TENM4: variants seen among roughly 807,000 people sequenced by gnomAD.
TENM4 encodes teneurin transmembrane protein 4, also known as teneurin-4.
Under a neutral mutation model 243.3 loss-of-function variants are expected in TENM4, and 82 were observed. The observed-to-expected ratio is 0.34, with a 90% CI of 0.28 to 0.40. The LOEUF (loss-of-function observed/expected upper bound fraction) is 0.40, where lower values mean the gene tolerates loss of function less well. Ranked by LOEUF, TENM4 falls within the 10% of genes least tolerant of loss-of-function variation. The probability of loss-of-function intolerance (pLI) is 1.00; values close to 1 mark genes in which losing one functional copy is unlikely to be tolerated. For synonymous variants in TENM4, 1,412 were observed against 1,456.3 expected (o/e 0.97, Z 0.69); for missense variants, 3,138 against 3,673.3 (o/e 0.85, Z 3.77).
chr11:78,726,136 C>T lies in TENM4; in HGVS notation c.3493G>A (p.Ala1165Thr), dbSNP rs550968777. The T allele has an allele frequency of 5.6e-5, 90 of 1,613,990 alleles. No individual in the cohort carries two copies. The highest frequency in any genetic ancestry group is 6.7e-5 in the East Asian group (3 of 44,882). Residue 1165 changes from alanine to threonine, a missense_variant, in exon 23 of 34, where the codon GCG (alanine) becomes ACG (threonine). By Grantham distance (58) the Ala-to-Thr change is moderately conservative (BLOSUM62 0). This residue lies in a region of TENM4 where 2,467 missense variants were observed against 3,059.1 expected (regional missense o/e 0.81). Transcript: ENST00000278550. ...AGGCTCCATCCTCCAAGCTTGGACG[C>T]GTCAATTTCATAGCCCTGCAGCACT... ...TTVLQGYEID[A>T]SKLGGWSLDK...
At chr11:78,784,310 T>C (rs2088826394) in intron 16 of TENM4, among the ~76,000 whole-genome samples, 1 of 152,220 alleles carries the variant, frequency 6.6e-6, no homozygotes, top group African/African-American at 2.4e-5. Flanking sequence ...CCCCTTCTCA[T>C]TTCTATTTCA....
chr11:79,347,567 T>TTGGTC (rs1857345347), intron 1 of TENM4, among the ~76,000 whole-genome samples: 1 of 152,100 alleles, frequency 6.6e-6, no homozygotes. Context: ...ACTTTGGTAT[T>TTGGTC]ACACTGTTTG....
chr11:79,202,308 C>G (rs1192393896), intron 3 of TENM4, among the ~76,000 whole-genome samples: 1 of 152,212 alleles, frequency 6.6e-6, no homozygotes. Flanking sequence ...CTTCCACATG[C>G]AGCTGTGCCT....
At chr11:79,193,958 C>T (rs898282304) in intron 3 of TENM4, among the ~76,000 whole-genome samples, 1 of 152,054 alleles carries the variant, frequency 6.6e-6, no homozygotes, top group African/African-American at 2.4e-5. Context: ...GCTGTGTCTC[C>T]ACCCAAATCT....
chr11:78,874,491 C>T (rs1282920057), intron 9 of TENM4, among the ~76,000 whole-genome samples: 2 of 152,034 alleles, frequency 1.3e-5, no homozygotes, highest in Non-Finnish European at 2.9e-5. Context: ...AGTTTCAGAC[C>T]TCAACAATTA....
At chr11:79,407,353 A>C (rs1858594974) in intron 1 of TENM4, among the ~76,000 whole-genome samples, 1 of 152,248 alleles carries the variant, frequency 6.6e-6, no homozygotes, top group Admixed American at 6.5e-5. Flanking sequence ...AACTGTTACT[A>C]ATAATAGCTA....
intron 2 of TENM4, among the ~76,000 whole-genome samples, chr11:79,277,456 C>G (rs574735483): frequency 6.6e-6 from 1 of 152,286 alleles, no homozygotes; most frequent in East Asian, 1.9e-4. Context: ...GTGAAAGTAA[C>G]TTGCCCCCTG....
At chr11:79,227,819 C>G (rs1864300989) in intron 2 of TENM4, among the ~76,000 whole-genome samples, 1 of 152,170 alleles carries the variant, frequency 6.6e-6, no homozygotes, top group Admixed American at 6.5e-5. Context: ...TGCAGGAAAG[C>G]TGGAGTCTAA....
chr11:79,386,339 T>G (rs1213645890), intron 1 of TENM4, among the ~76,000 whole-genome samples: 2 of 152,218 alleles, frequency 1.3e-5, no homozygotes, highest in Non-Finnish European at 2.9e-5. Context: ...AATGTCTTCT[T>G]GACCTTGCAG....
At chr11:79,181,440 C>T (rs1241790338) in intron 3 of TENM4, among the ~76,000 whole-genome samples, 2 of 152,038 alleles carry the variant, frequency 1.3e-5, no homozygotes, top group African/African-American at 4.8e-5. Flanking sequence ...AGGGAACTTC[C>T]TCAACTTCAT....
chr11:79,056,217 A>T (rs1299658541), intron 6 of TENM4, among the ~76,000 whole-genome samples: 3 of 152,116 alleles, frequency 2.0e-5, no homozygotes, highest in African/African-American at 7.2e-5. Flanking sequence ...TGTTGTCTCA[A>T]ATTAAAAACA....
intron 3 of TENM4, among the ~76,000 whole-genome samples, chr11:79,156,291 A>G (rs767699221): frequency 2.0e-5 from 3 of 152,244 alleles, no homozygotes; most frequent in Non-Finnish European, 4.4e-5. Flanking sequence ...AGCACCAATC[A>G]ATAAGTCCTG....
intron 2 of TENM4, among the ~76,000 whole-genome samples, chr11:79,293,643 G>A (rs1856394229): frequency 6.6e-6 from 1 of 152,164 alleles, no homozygotes; most frequent in African/African-American, 2.4e-5. Flanking sequence ...AGCGACTAAG[G>A]GGTGTTTGGA....
chr11:78,668,989 G>A lies in TENM4; in HGVS notation c.7356C>T (p.Phe2452=). 6.2e-7 allele frequency: 1 copy of A among 1,613,918 alleles called. No individual in the cohort carries two copies. The highest frequency in any genetic ancestry group is 8.5e-7 in the Non-Finnish European group (1 of 1,179,880). The change falls in exon 32 of 34, where the codon TTC becomes TTT. Residue 2452 remains phenylalanine, a synonymous_variant. Transcript: ENST00000278550. ...AGTTGCTGATGGGGTTGTTGTTTTT[G>A]AACATATAGAGATTAAAAGGCATGA... ...SNVMPFNLYM[F]KNNNPISNSQ... is the part of the protein sequence containing the mutation.
chr11:78,883,007 C>T (rs1358471956), intron 9 of TENM4, among the ~76,000 whole-genome samples: 2 of 152,138 alleles, frequency 1.3e-5, no homozygotes, highest in African/African-American at 4.8e-5. Context: ...TGCAGAAGCC[C>T]ACATCTGAGA....
chr11:78,971,612 A>G (rs1033500042), intron 6 of TENM4, among the ~76,000 whole-genome samples: 1 of 152,076 alleles, frequency 6.6e-6, no homozygotes. Context: ...CTTAAATAAG[A>G]TTTTTTATAC....
At chr11:79,196,587 G>A (rs919886843) in intron 3 of TENM4, among the ~76,000 whole-genome samples, 1 of 152,110 alleles carries the variant, frequency 6.6e-6, no homozygotes, top group Admixed American at 6.6e-5. Context: ...GATGGTAGCC[G>A]TTTGCCATTC....
At chr11:79,049,780 GAGTCT>G (rs1203323152) in intron 6 of TENM4, among the ~76,000 whole-genome samples, 2 of 152,246 alleles carry the variant, frequency 1.3e-5, no homozygotes, top group African/African-American at 4.8e-5. Flanking sequence ...TTGGGGCCCT[GAGTCT>G]TGAGCTTCCA....
intron 4 of TENM4, among the ~76,000 whole-genome samples, chr11:79,087,131 T>C (rs1591272061): frequency 1.3e-5 from 2 of 152,158 alleles, no homozygotes; most frequent in Non-Finnish European, 2.9e-5. Flanking sequence ...AATGAACAAA[T>C]GTTTCTGAGT....
Sources: allele counts gnomAD v4.1 joint callset (sites outside exome capture counted in the v4.1 genomes callset), GRCh38; gene constraint gnomAD v4.1.1; regional missense constraint gnomAD v4.1.1; transcripts MANE v1.5; gene names NCBI Gene and HGNC (gene_info 2026-07-23, HGNC 2026-07-21).